KATNAL1: variants seen among roughly 807,000 people sequenced by gnomAD.
KATNAL1 encodes katanin catalytic subunit A1 like 1.
In KATNAL1, 32 loss-of-function variants were observed where a neutral mutation model predicts 55.2. The ratio of observed to expected loss-of-function variants is 0.58; its 90% CI spans 0.44 to 0.78. KATNAL1 has a LOEUF of 0.78. Ranked by LOEUF, KATNAL1 falls within the 30% of genes least tolerant of loss-of-function variation. The pLI is 0.00. For missense variants in KATNAL1, 466 were observed against 600.9 expected (o/e 0.78, Z 2.35); for synonymous variants, 193 against 193.6 (o/e 1.00, Z 0.02).
At chr13:30,291,924 A>T (rs1442521286) in intron 1 of KATNAL1, among the ~76,000 whole-genome samples, 2 of 151,976 alleles carry the variant, frequency 1.3e-5, no homozygotes, top group African/African-American at 4.8e-5. Context: ...AATCCCAGCT[A>T]CTCGGGAGGC....
At chr13:30,282,730 G>A (rs1314980377) in intron 2 of KATNAL1, among the ~76,000 whole-genome samples, 2 of 151,444 alleles carry the variant, frequency 1.3e-5, no homozygotes, top group Non-Finnish European at 1.5e-5. Flanking sequence ...CGAGGCAGGC[G>A]GATCACGAGG....
In KATNAL1 at chr13:30,205,656, T is replaced by A. The variant is rs531790320; in HGVS notation, c.*2884A>T. The A allele has an allele frequency of 6.9e-6, 1 of 145,296 alleles. No homozygotes were observed. The highest frequency in any genetic ancestry group is 1.5e-5 in the Non-Finnish European group (1 of 66,942). 9.0% of individuals were successfully genotyped at this position (145,296 alleles called of 1,614,324 possible). A position where few individuals can be genotyped will look rare whatever the true frequency, so the allele number is the denominator to read the frequency against. ...TATGTGAGTGTGAGTGTGTGTGTGATGTACATTAAAAGTTAGGGCTGGGCA... is the reference window on the plus strand; with the variant it reads ...TATGTGAGTGTGAGTGTGTGTGTGAAGTACATTAAAAGTTAGGGCTGGGCA... On this transcript the variant is annotated 3_prime_UTR_variant, in exon 11 of 11. Coordinates refer to ENST00000380615, the MANE Select transcript of KATNAL1 (RefSeq NM_032116.5).
At chr13:30,254,967 A>G (rs771143655) in intron 4 of KATNAL1, among the ~76,000 whole-genome samples, 1 of 152,186 alleles carries the variant, frequency 6.6e-6, no homozygotes, top group Non-Finnish European at 1.5e-5. Flanking sequence ...ATGAACCCTA[A>G]GCAAGGGGAA....
intron 3 of KATNAL1, among the ~76,000 whole-genome samples, chr13:30,265,825 A>C (rs1171928664): frequency 1.3e-5 from 2 of 151,174 alleles, no homozygotes; most frequent in Admixed American, 6.6e-5. Context: ...AGCCTGCCCA[A>C]CATGGGGAAA....
intron 1 of KATNAL1, among the ~76,000 whole-genome samples, chr13:30,305,370 C>G (rs1883115625): frequency 1.3e-5 from 2 of 152,204 alleles, no homozygotes; most frequent in Non-Finnish European, 2.9e-5. Context: ...AATGACTTTC[C>G]TCATCATCAC....
Position 30,211,100 on chromosome 13 carries a change from TCTG to T in KATNAL1, c.1148-661_1148-659del, listed in dbSNP as rs577437949. Among the ~76,000 whole-genome samples the T allele has an allele frequency of 1.5e-3, 227 of 152,218 alleles. 1 individual carries two copies. Among genetic ancestry groups the T allele is most frequent in the Non-Finnish European group, 3.0e-3 (201 of 68,034 alleles). On this transcript the variant is annotated intron_variant, in intron 9 of 10. Coordinates refer to ENST00000380615, the MANE Select transcript of KATNAL1 (RefSeq NM_032116.5). ...TTTCACTAGTGCTTTTAGTGGCAAATCTGCTTAGCACAGCACACTAAGATAATG... is the reference window on the plus strand; with the variant it reads ...TTTCACTAGTGCTTTTAGTGGCAAATCTTAGCACAGCACACTAAGATAATG...
chr13:30,231,168 C>T (rs202086), intron 7 of KATNAL1, 146 bp downstream of exon 7: 501,889 of 561,906 alleles, frequency 0.89, 224,533 homozygotes, highest in East Asian at 0.96. Flanking sequence ...AAACCCATCA[C>T]CCCAATTCTC....
In KATNAL1 at chr13:30,282,147, G is replaced by GT. The variant is rs530772256; in HGVS notation, c.162+1468dup. 8.8e-5 allele frequency among the ~76,000 whole-genome samples: 13 copies of GT among 148,300 alleles called. No homozygotes were observed. In the East Asian group the frequency reaches 2.5e-3, roughly 29 times the overall value. On this transcript the variant is annotated intron_variant, in intron 2 of 10. Coordinates refer to ENST00000380615, the MANE Select transcript of KATNAL1 (RefSeq NM_032116.5). ...ATTAAAACATTAAATTTAAAAAACG[G>GT]TAAGTAGGCAAATTAAAATTCAAGT...
chr13:30,293,415 T>C (rs1288605492), intron 1 of KATNAL1, among the ~76,000 whole-genome samples: 3 of 152,110 alleles, frequency 2.0e-5, no homozygotes, highest in Non-Finnish European at 4.4e-5. Flanking sequence ...CCCTTCAAAA[T>C]ACAGAACACT....
rs562369143 is a variant in KATNAL1, at chr13:30,301,317, G to A, written c.-15+6014C>T. ...CAGGAGACGGAGGTTGCAGTGAGCC[G>A]AGATGGCGCCACTGCACTCCAACCT... On this transcript the variant is annotated intron_variant, in intron 1 of 10. Transcript: ENST00000380615. Among the ~76,000 whole-genome samples the A allele has an allele frequency of 5.0e-4, 76 of 152,212 alleles. 1 individual carries two copies. Among genetic ancestry groups the A allele is most frequent in the African/African-American group, 1.8e-3 (75 of 41,510 alleles).
chr13:30,272,809 G>A (rs1292268105), intron 3 of KATNAL1, among the ~76,000 whole-genome samples: 1 of 152,090 alleles, frequency 6.6e-6, no homozygotes, highest in Admixed American at 6.6e-5. Context: ...ATAACCAAAT[G>A]GAACGTCCTC....
rs1484044098 is a variant in KATNAL1, at chr13:30,206,380, T to C, written c.*2160A>G. ...TAAGGGATTTAAGATATACAAAGCA[T>C]CTACCATCCACTGACAGGGCAAAAT... On this transcript the variant is annotated 3_prime_UTR_variant, in exon 11 of 11. Transcript: ENST00000380615. 1 of 152,118 alleles carries C rather than the reference T, an allele frequency of 6.6e-6. No homozygotes were observed. Among genetic ancestry groups the C allele is most frequent in the African/African-American group, 2.4e-5 (1 of 41,416 alleles). The allele number at this position is 152,118 out of a possible 1,614,324, so 9.4% of individuals were successfully genotyped here.
At chr13:30,239,188 T>A (rs2137419019) in intron 6 of KATNAL1, among the ~76,000 whole-genome samples, 1 of 152,262 alleles carries the variant, frequency 6.6e-6, no homozygotes, top group African/African-American at 2.4e-5. Context: ...GGTGGGAGGT[T>A]CACTTGAGGC....
In KATNAL1 at chr13:30,208,459, C is replaced by T; in HGVS notation, c.*81G>A. ...AAAACCACTCCACTGAAAAAAATTC[C>T]AAACTTGTTTTTTAAAAATTGCAGG... On this transcript the variant is annotated 3_prime_UTR_variant, in exon 11 of 11. Transcript: ENST00000380615. 1 of 1,296,452 alleles carries T rather than the reference C, an allele frequency of 7.7e-7. No homozygotes were observed. Among genetic ancestry groups the T allele is most frequent in the Non-Finnish European group, 1.0e-6 (1 of 967,272 alleles). The allele number at this position is 1,296,452 out of a possible 1,614,324, so 80.3% of individuals were successfully genotyped here.
chr13:30,223,878 A>T (rs962654393), intron 9 of KATNAL1, among the ~76,000 whole-genome samples: 1 of 152,262 alleles, frequency 6.6e-6, no homozygotes, highest in African/African-American at 2.4e-5. Flanking sequence ...GCTGACATTT[A>T]TAGAATGTTA....
intron 9 of KATNAL1, 86 bp from the exon 10 acceptor site, chr13:30,210,528 A>G (rs886615310): frequency 8.1e-7 from 1 of 1,233,746 alleles, no homozygotes; most frequent in African/African-American, 1.5e-5. Context: ...TTTGGGGGAA[A>G]AATGAGGCCA....
intron 3 of KATNAL1, among the ~76,000 whole-genome samples, chr13:30,257,518 C>T (rs183785079): frequency 6.6e-6 from 1 of 152,298 alleles, no homozygotes; most frequent in East Asian, 1.9e-4. Context: ...GACCTCACTG[C>T]TCAGGGTGCA....
intron 8 of KATNAL1, among the ~76,000 whole-genome samples, chr13:30,230,245 G>T (rs1197943209): frequency 1.3e-5 from 2 of 152,150 alleles, no homozygotes; most frequent in Non-Finnish European, 2.9e-5. Flanking sequence ...CTCCTTGAAG[G>T]CCATAGTAGC....
chr13:30,285,023 G>C (rs1265122762), intron 1 of KATNAL1, among the ~76,000 whole-genome samples: 2 of 152,178 alleles, frequency 1.3e-5, no homozygotes. Flanking sequence ...GCCTTCTTCA[G>C]GGAATTAAAC....
Sources: gnomAD v4.1 joint callset for allele counts (sites outside exome capture counted in the v4.1 genomes callset) on GRCh38, gnomAD v4.1.1 for gene constraint, MANE v1.5 for transcripts, NCBI Gene and HGNC (gene_info 2026-07-23, HGNC 2026-07-21) for gene names.